LRRC74A: variants seen among roughly 807,000 people sequenced by gnomAD.
The protein encoded by LRRC74A is leucine rich repeat containing 74A.
Under a neutral mutation model 57.9 loss-of-function variants are expected in LRRC74A, and 44 were observed. The observed-to-expected ratio is 0.76, with a 90% CI of 0.60 to 0.98. The LOEUF is 0.98. LRRC74A is among the 50% of genes least tolerant of loss of function. The pLI is 0.00. For missense variants in LRRC74A, 572 were observed against 574.0 expected, an observed-to-expected ratio of 1.00 and a Z score of 0.04; for synonymous variants, 211 against 219.4, an observed-to-expected ratio of 0.96 and a Z score of 0.34.
intron 11 of LRRC74A, among the ~76,000 whole-genome samples, chr14:76,861,697 A>G (rs1179823046): frequency 6.6e-6 from 1 of 152,252 alleles, no homozygotes; most frequent in African/African-American, 2.4e-5. Flanking sequence ...TTGCTCCTCT[A>G]GTCCCATTGT....
chr14:76,869,179 C>T (rs1479715596), intron 13 of LRRC74A, among the ~76,000 whole-genome samples: 2 of 152,160 alleles, frequency 1.3e-5, no homozygotes, highest in Non-Finnish European at 2.9e-5. Context: ...CCTGGGGAAG[C>T]TGATGGCAAG....
At chr14:76,834,084 T>G (rs544251703) in intron 3 of LRRC74A, among the ~76,000 whole-genome samples, 1 of 152,342 alleles carries the variant, frequency 6.6e-6, no homozygotes, top group East Asian at 1.9e-4. Flanking sequence ...TTTCCTCACT[T>G]TCCCCAACAC....
chr14:76,852,807 C>T (rs1388088506), intron 8 of LRRC74A, among the ~76,000 whole-genome samples: 3 of 151,920 alleles, frequency 2.0e-5, no homozygotes, highest in South Asian at 2.1e-4. Flanking sequence ...TTAGTAGAAA[C>T]GGGGTTGTAC....
chr14:76,865,083 G>T (rs745617100), intron 11 of LRRC74A, among the ~76,000 whole-genome samples: 18 of 152,172 alleles, frequency 1.2e-4, no homozygotes, highest in Non-Finnish European at 2.1e-4. Context: ...TGGATTTATG[G>T]GTGATTTTTA....
At chr14:76,831,610 A>G (rs1408758518) in intron 3 of LRRC74A, among the ~76,000 whole-genome samples, 1 of 152,186 alleles carries the variant, frequency 6.6e-6, no homozygotes, top group Non-Finnish European at 1.5e-5. Flanking sequence ...TTGAGGAGAA[A>G]AAAATAGAAG....
At chr14:76,864,434 A>AGGGGGGGGG (rs1566744817) in intron 11 of LRRC74A, among the ~76,000 whole-genome samples, 1 of 4,220 alleles carries the variant, frequency 2.4e-4, no homozygotes, top group Non-Finnish European at 4.6e-4. Context: ...TGGCGGGGGG[A>AGGGGGGGGG]AGGGGGGTGG....
At chr14:76,828,864 G>A (rs749121790) in intron 2 of LRRC74A, 3 of 508,714 alleles carry the variant, frequency 5.9e-6, no homozygotes, top group African/African-American at 4.0e-5. Flanking sequence ...CTGATCCCGT[G>A]TTTGACTCAC....
At chr14:76,850,724 T>C (rs559516346) in intron 7 of LRRC74A, among the ~76,000 whole-genome samples, 17 of 151,370 alleles carry the variant, frequency 1.1e-4, no homozygotes, top group East Asian at 7.8e-4. Flanking sequence ...AAAAATTAGC[T>C]GGGCGTGGTG....
chr14:76,836,370 C>T (rs2140266226), intron 4 of LRRC74A, 56 bp downstream of exon 4: 1 of 1,344,366 alleles, frequency 7.4e-7, no homozygotes, highest in African/African-American at 1.4e-5. Context: ...TCACAACCCA[C>T]TGGAGACAAG....
intron 13 of LRRC74A, among the ~76,000 whole-genome samples, chr14:76,869,412 G>T (rs876257): frequency 0.035 from 5,300 of 152,248 alleles, 306 homozygotes; most frequent in African/African-American, 0.12. Flanking sequence ...ATTGTTGCAT[G>T]ATCCTTTTCA....
chr14:76,858,981 A>G (rs954050764), intron 10 of LRRC74A, among the ~76,000 whole-genome samples: 2 of 152,176 alleles, frequency 1.3e-5, no homozygotes, highest in Admixed American at 1.3e-4. Context: ...ATTTTGAGAC[A>G]TTGTCAAACA....
At chr14:76,845,766 G>A (rs915786463) in intron 7 of LRRC74A, among the ~76,000 whole-genome samples, 6 of 152,246 alleles carry the variant, frequency 3.9e-5, no homozygotes, top group Non-Finnish European at 7.3e-5. Context: ...TACGCCTGTA[G>A]TCCCAGCACT....
intron 13 of LRRC74A, among the ~76,000 whole-genome samples, chr14:76,868,558 T>G (rs1833658164): frequency 6.6e-6 from 1 of 152,168 alleles, no homozygotes; most frequent in Admixed American, 6.5e-5. Flanking sequence ...GGTCCACACC[T>G]GTTCTGTCTC....
intron 3 of LRRC74A, among the ~76,000 whole-genome samples, chr14:76,832,517 A>C (rs529118335): frequency 2.0e-5 from 3 of 152,342 alleles, no homozygotes; most frequent in South Asian, 4.1e-4. Flanking sequence ...TATGTTGCCC[A>C]GGCTGGTCTC....
At chr14:76,867,259 G>GGT in intron 12 of LRRC74A, 97 bp from the exon 13 acceptor site, 1 of 409,094 alleles carries the variant, frequency 2.4e-6, no homozygotes, top group Non-Finnish European at 4.5e-6. Flanking sequence ...GGGGGGGTGG[G>GGT]GTGTGTGTGT....
intron 3 of LRRC74A, among the ~76,000 whole-genome samples, chr14:76,834,033 T>TATTCAA (rs1329553706): frequency 6.6e-6 from 1 of 152,232 alleles, no homozygotes; most frequent in African/African-American, 2.4e-5. Context: ...TAGCCCCCAC[T>TATTCAA]TGGCATTGAA....
At chr14:76,852,757 T>G (rs1897596928) in intron 8 of LRRC74A, among the ~76,000 whole-genome samples, 1 of 151,772 alleles carries the variant, frequency 6.6e-6, no homozygotes. Flanking sequence ...TAGCTGAGAC[T>G]ACAGGTGCCC....
In LRRC74A at chr14:76,845,502, T is replaced by C. The variant is rs117307451; in HGVS notation, c.676+601T>C. 2.2e-4 allele frequency among the ~76,000 whole-genome samples: 34 copies of C among 152,178 alleles called. No individual in the cohort carries two copies. In the East Asian group the frequency reaches 5.4e-3, roughly 24 times the overall value. On this transcript the variant is annotated intron_variant, in intron 7 of 13. Transcript: ENST00000689127. ...ACTCTTAAGTATGGCCCAGTAAGCATAAACGGTCCAAAAGCAATGGAAAAA... is the reference window on the plus strand; with the variant it reads ...ACTCTTAAGTATGGCCCAGTAAGCACAAACGGTCCAAAAGCAATGGAAAAA...
intron 2 of LRRC74A, chr14:76,828,718 G>A (rs1347242755): frequency 1.6e-5 from 8 of 496,400 alleles, no homozygotes; most frequent in South Asian, 4.7e-5. Flanking sequence ...ATGTTTCCAC[G>A]TGGGGCATCC....
Sources: allele counts gnomAD v4.1 joint callset (sites outside exome capture counted in the v4.1 genomes callset), GRCh38; gene constraint gnomAD v4.1.1; transcripts MANE v1.5; gene names NCBI Gene and HGNC (gene_info 2026-07-23, HGNC 2026-07-21).